The following SLC14A2 variants were observed in gnomAD, a reference collection of about 807,000 sequenced individuals.
SLC14A2 encodes the protein solute carrier family 14 member 2.
SLC14A2 carries 91 observed loss-of-function variants against 104.6 expected under a neutral mutation model. The observed-to-expected ratio is 0.87, with a 90% CI of 0.73 to 1.04. The LOEUF is 1.04. SLC14A2 is among the 50% of genes least tolerant of loss of function. The pLI is 0.00. For missense variants in SLC14A2, 1,189 were observed against 1,156.0 expected (o/e 1.03, Z -0.41); for synonymous variants, 476 against 466.4 (o/e 1.02, Z -0.27).
intron 1 of SLC14A2, among the ~76,000 whole-genome samples, chr18:45,305,709 T>C (rs904506928): frequency 9.9e-5 from 15 of 152,138 alleles, no homozygotes; most frequent in Non-Finnish European, 2.2e-4. Flanking sequence ...GGTTTTTTTT[T>C]CCCCTGCCAG....
At chr18:45,478,106 C>T (rs762360356) in intron 1 of SLC14A2, among the ~76,000 whole-genome samples, 9 of 152,168 alleles carry the variant, frequency 5.9e-5, no homozygotes, top group Non-Finnish European at 1.0e-4. Flanking sequence ...CCCAGGGCCC[C>T]GGTGGTGTAG....
At chr18:45,348,022 A>G (rs1598705758) in intron 1 of SLC14A2, among the ~76,000 whole-genome samples, 1 of 152,226 alleles carries the variant, frequency 6.6e-6, no homozygotes, top group East Asian at 1.9e-4. Flanking sequence ...TGGACAGCAC[A>G]TGGTAAGCAC....
chr18:45,303,902 C>A (rs557484602), intron 1 of SLC14A2, among the ~76,000 whole-genome samples: 2 of 152,340 alleles, frequency 1.3e-5, no homozygotes, highest in African/African-American at 4.8e-5. Flanking sequence ...CACTGCTCCT[C>A]CAGCATCTAG....
chr18:45,561,047 G>A (rs1277428421), intron 2 of SLC14A2, among the ~76,000 whole-genome samples: 1 of 152,152 alleles, frequency 6.6e-6, no homozygotes, highest in Non-Finnish European at 1.5e-5. Flanking sequence ...GATACTGTGT[G>A]GTGAAAGACA....
chr18:45,663,193 T>G (rs1300467901), intron 10 of SLC14A2, among the ~76,000 whole-genome samples: 1 of 152,224 alleles, frequency 6.6e-6, no homozygotes, highest in Non-Finnish European at 1.5e-5. Context: ...CCTGAGATTC[T>G]GCATTTCTAA....
chr18:45,372,637 G>C (rs936622954), intron 1 of SLC14A2, among the ~76,000 whole-genome samples: 1 of 152,130 alleles, frequency 6.6e-6, no homozygotes, highest in Non-Finnish European at 1.5e-5. Context: ...TGCAAGTTCC[G>C]ATGCAGGGTA....
intron 2 of SLC14A2, chr18:45,493,388 C>T (rs550561255): frequency 6.6e-6 from 1 of 152,288 alleles, no homozygotes; most frequent in East Asian, 1.9e-4. Context: ...TAATATCTTG[C>T]CCTCATTTTA....
At chr18:45,329,827 C>T (rs1272884751) in intron 1 of SLC14A2, among the ~76,000 whole-genome samples, 2 of 152,076 alleles carry the variant, frequency 1.3e-5, no homozygotes, top group East Asian at 3.9e-4. Flanking sequence ...AAGAAACAAA[C>T]AAACAAAAAC....
rs547282243 is a variant in SLC14A2 at position 45,482,047 on chromosome 18, G to C, written c.-124-1186G>C. Among the ~76,000 whole-genome samples, 3 of 152,278 alleles carry C rather than the reference G, an allele frequency of 2.0e-5. No individual in the cohort carries two copies. The East Asian group carries it at 5.8e-4, about 29-fold the overall frequency. ...TTGAAATTAACCTGAACTACAGCCAGCAGGACTGTAAATGAATACAATCCT... is the reference window on the plus strand; with the variant it reads ...TTGAAATTAACCTGAACTACAGCCACCAGGACTGTAAATGAATACAATCCT... On this transcript the variant is annotated intron_variant, in intron 1 of 20. Coordinates refer to the SLC14A2 transcript ENST00000586448.
At chr18:45,407,437 C>T (rs2086167440) in intron 1 of SLC14A2, among the ~76,000 whole-genome samples, 2 of 152,164 alleles carry the variant, frequency 1.3e-5, no homozygotes, top group Non-Finnish European at 2.9e-5. Context: ...TCTATCTAGA[C>T]CTCTCAAACT....
At chr18:45,377,979 A>G (rs1428171238) in intron 1 of SLC14A2, among the ~76,000 whole-genome samples, 1 of 152,156 alleles carries the variant, frequency 6.6e-6, no homozygotes, top group Non-Finnish European at 1.5e-5. Context: ...TCTTCCTTGA[A>G]AATCCTACCC....
chr18:45,349,787 G>A (rs1470712148), intron 1 of SLC14A2, among the ~76,000 whole-genome samples: 1 of 152,230 alleles, frequency 6.6e-6, no homozygotes, highest in East Asian at 1.9e-4. Context: ...CGTAGATGAA[G>A]ATTAAGAGAA....
At chr18:45,654,015 GAC>G (rs1047920373) in intron 10 of SLC14A2, among the ~76,000 whole-genome samples, 11 of 152,218 alleles carry the variant, frequency 7.2e-5, no homozygotes, top group Non-Finnish European at 1.2e-4. Context: ...GAAGCTACCA[GAC>G]AGTCCCCAGC....
intron 1 of SLC14A2, among the ~76,000 whole-genome samples, chr18:45,328,213 G>A (rs2085255225): frequency 1.3e-5 from 2 of 152,152 alleles, no homozygotes; most frequent in Non-Finnish European, 2.9e-5. Flanking sequence ...TCATATGAAA[G>A]CAAGTGCATT....
intron 2 of SLC14A2, among the ~76,000 whole-genome samples, chr18:45,530,439 T>A (rs1023312679): frequency 2.6e-5 from 4 of 152,150 alleles, no homozygotes; most frequent in Non-Finnish European, 5.9e-5. Flanking sequence ...ATTTCTGTGT[T>A]TTTGTGTTGA....
At chr18:45,494,006 G>C (rs1019393704) in intron 2 of SLC14A2, among the ~76,000 whole-genome samples, 1 of 152,198 alleles carries the variant, frequency 6.6e-6, no homozygotes, top group Admixed American at 6.5e-5. Context: ...AAAGAGGAAA[G>C]GCAAGCATCT....
chr18:45,634,515 T>C (rs1427294773), intron 5 of SLC14A2, among the ~76,000 whole-genome samples: 2 of 152,214 alleles, frequency 1.3e-5, no homozygotes, highest in Non-Finnish European at 2.9e-5. Context: ...GTCGCCTAAA[T>C]GATAAGAAGG....
chr18:45,503,433 A>C (rs1361230598), intron 2 of SLC14A2, among the ~76,000 whole-genome samples: 2 of 152,148 alleles, frequency 1.3e-5, no homozygotes, highest in Non-Finnish European at 2.9e-5. Flanking sequence ...AACAAATCAC[A>C]CCAACGTGAC....
chr18:45,471,838 C>T (rs776085025), intron 1 of SLC14A2, among the ~76,000 whole-genome samples: 1 of 151,702 alleles, frequency 6.6e-6, no homozygotes, highest in Non-Finnish European at 1.5e-5. Flanking sequence ...TGATTTGTTT[C>T]ATTGAGGCTT....
Sources: gnomAD v4.1 joint callset for allele counts (sites outside exome capture counted in the v4.1 genomes callset) on GRCh38, gnomAD v4.1.1 for gene constraint, MANE v1.5 for transcripts, NCBI Gene and HGNC (gene_info 2026-07-23, HGNC 2026-07-21) for gene names.